The following H6PD variants were observed in gnomAD, a reference collection of about 807,000 sequenced individuals.
The protein encoded by H6PD is GDH/6PGL endoplasmic bifunctional protein.
H6PD carries 48 observed loss-of-function variants against 61.2 expected under a neutral mutation model. That is an observed-to-expected ratio of 0.78 (90% CI 0.62 to 1.00). The LOEUF (loss-of-function observed/expected upper bound fraction) is 1.00, where lower values mean the gene tolerates loss of function less well. H6PD is among the 50% of genes least tolerant of loss of function. The pLI, the probability that H6PD is intolerant of heterozygous loss-of-function variation, is 0.00. For synonymous variants in H6PD, 480 were observed against 457.9 expected (o/e 1.05, Z -0.62); for missense variants, 1,093 against 1,065.0 (o/e 1.03, Z -0.37).
rs555461602 is a variant in H6PD, at chr1:9,242,559, A to C, written c.-10-2366A>C. 138 of 985,414 alleles carry C rather than the reference A, an allele frequency of 1.4e-4. No homozygotes were observed. In the African/African-American group the frequency reaches 2.0e-3, roughly 14 times the overall value. 61.0% of individuals were successfully genotyped at this position (985,414 alleles called of 1,614,324 possible). ...GTCAGGGAGGACTGTGGCAAACCTC[A>C]GAGTCAGAACAGGATTAAAGAGAGG... On this transcript the variant is annotated intron_variant, in intron 1 of 4. Coordinates refer to ENST00000377403, the MANE Select transcript of H6PD (RefSeq NM_004285.4).
At chr1:9,238,595 C>G (rs1292178356) in intron 1 of H6PD, among the ~76,000 whole-genome samples, 1 of 152,160 alleles carries the variant, frequency 6.6e-6, no homozygotes, top group Non-Finnish European at 1.5e-5. Context: ...GTCTGAACAC[C>G]TGGAAAGATA....
Position 9,264,362 on chromosome 1 carries a change from C to A in H6PD, c.1869C>A (p.Cys623Ter). Reference sequence around the variant, plus strand: ...ACCTGTGGCTGGTTGACGAGCGCTGCGTCCCACTCTCAGACCCGGAGTCCA... The same window carrying A: ...ACCTGTGGCTGGTTGACGAGCGCTGAGTCCCACTCTCAGACCCGGAGTCCA... ...HTHLWLVDER[C>*]VPLSDPESNF... Residue 623 changes from cysteine to a stop codon, truncating the protein, a stop_gained, in exon 5 of 5, where the codon TGC becomes TGA. Coordinates refer to ENST00000377403, the MANE Select transcript of H6PD (RefSeq NM_004285.4). LOFTEE classifies it high-confidence loss of function. 1 of 1,612,704 alleles carries A rather than the reference C, an allele frequency of 6.2e-7. No homozygotes were observed. The highest frequency in any genetic ancestry group is 8.5e-7 in the Non-Finnish European group (1 of 1,179,922).
At chr1:9,259,437 A>G (rs989881802) in intron 3 of H6PD, among the ~76,000 whole-genome samples, 1 of 151,886 alleles carries the variant, frequency 6.6e-6, no homozygotes, top group African/African-American at 2.4e-5. Context: ...CACCAGTGTT[A>G]TGTTGCTGTT....
In H6PD at chr1:9,263,382, C is replaced by T. The variant is rs2100396507; in HGVS notation, c.1016-127C>T. 7 of 869,222 alleles carry T rather than the reference C, an allele frequency of 8.1e-6. 1 individual carries two copies. The highest frequency in any genetic ancestry group is 7.2e-5 in the East Asian group (3 of 41,542). The allele number at this position is 869,222 out of a possible 1,614,324, so 53.8% of individuals were successfully genotyped here. On this transcript the variant is annotated intron_variant, in intron 4 of 4. Transcript: ENST00000377403. ...GAAGAGATGCCAGGCGAGGGGTGAG[C>T]ATGGCAAGGCGAGGGGCTTCCCTGA...
At position 9,267,989 on chromosome 1, in the gene H6PD, T is replaced by A. The variant is rs1006297638; in HGVS notation, c.*3120T>A. ...GGCTAGGTGTGGCTCATGCCTGTAA[T>A]CCCAGCACTATGGGAGGCTGAGGTG... is the stretch of plus-strand genomic sequence containing the variant. On this transcript the variant is annotated 3_prime_UTR_variant, in exon 5 of 5. Transcript: ENST00000377403. The A allele has an allele frequency of 1.3e-5, 2 of 152,208 alleles. No homozygotes were observed. The highest frequency in any genetic ancestry group is 3.8e-4 in the East Asian group (2 of 5,198). The allele number at this position is 152,208 out of a possible 1,614,324, so 9.4% of individuals were successfully genotyped here.
At chr1:9,241,006 T>C (rs1183207346) in intron 1 of H6PD, among the ~76,000 whole-genome samples, 1 of 152,076 alleles carries the variant, frequency 6.6e-6, no homozygotes, top group Admixed American at 6.5e-5. Flanking sequence ...GCAGGGAGGA[T>C]GACCAAGCCA....
rs1198377838 is a variant in H6PD, at chr1:9,263,906, T to C, written c.1413T>C (p.Asn471=). The change falls in exon 5 of 5, where the codon AAT becomes AAC. Residue 471 remains asparagine, a synonymous_variant. Coordinates refer to ENST00000377403, the MANE Select transcript of H6PD (RefSeq NM_004285.4). ...CCCATATCTTCCATGGCCGGAAGAA[T>C]TTCTTCATCACCACAGAGAACTTGC... ...LLSHIFHGRK[N]FFITTENLLA... 6.2e-7 allele frequency: 1 copy of C among 1,614,034 alleles called. No homozygotes were observed. The highest frequency in any genetic ancestry group is 8.5e-7 in the Non-Finnish European group (1 of 1,180,024).
intron 1 of H6PD, among the ~76,000 whole-genome samples, chr1:9,242,179 C>T (rs1380893041): frequency 3.3e-5 from 5 of 152,176 alleles, no homozygotes; most frequent in African/African-American, 1.2e-4. Flanking sequence ...TGCTCTGGTG[C>T]TCGCTGCTCA....
intron 1 of H6PD, chr1:9,239,719 A>G (rs1183917151): frequency 2.8e-6 from 1 of 356,540 alleles, no homozygotes; most frequent in Non-Finnish European, 5.0e-6. Flanking sequence ...GGCGCACAGA[A>G]GGTAACGTCA....
At chr1:9,253,141 C>T (rs568775161) in intron 3 of H6PD, among the ~76,000 whole-genome samples, 15 of 152,288 alleles carry the variant, frequency 9.8e-5, no homozygotes, top group African/African-American at 3.4e-4. Context: ...AGGCCACAGT[C>T]CCAGTCACTG....
intron 1 of H6PD, among the ~76,000 whole-genome samples, chr1:9,240,985 C>T (rs1640980599): frequency 6.6e-6 from 1 of 152,156 alleles, no homozygotes; most frequent in Non-Finnish European, 1.5e-5. Context: ...GCTTCTTTCC[C>T]TGTCAGGGCA....
chr1:9,255,698 C>T (rs1347646274), intron 3 of H6PD, among the ~76,000 whole-genome samples: 2 of 152,172 alleles, frequency 1.3e-5, no homozygotes, highest in African/African-American at 4.8e-5. Flanking sequence ...TTTGGTCACC[C>T]TGGGCCCACA....
rs1570137648 is a variant in H6PD at position 9,267,789 on chromosome 1, A to G, written c.*2920A>G. Reference sequence around the variant, plus strand: ...GAACCCTCTAGGCTGGTGGCTTTCAAACTTCAGACCATGATCTGCAGCAAG... The same window carrying G: ...GAACCCTCTAGGCTGGTGGCTTTCAGACTTCAGACCATGATCTGCAGCAAG... On this transcript the variant is annotated 3_prime_UTR_variant, in exon 5 of 5. Coordinates refer to ENST00000377403, the MANE Select transcript of H6PD (RefSeq NM_004285.4). The G allele has an allele frequency of 6.6e-6, 1 of 152,314 alleles. No homozygotes were observed. The allele number at this position is 152,314 out of a possible 1,614,324, so 9.4% of individuals were successfully genotyped here.
rs898509996 is a variant in H6PD at position 9,247,313 on chromosome 1, C to T, written c.745+230C>T. 6.6e-5 allele frequency among the ~76,000 whole-genome samples: 10 copies of T among 152,208 alleles called. 1 individual carries two copies. Among genetic ancestry groups the T allele is most frequent in the Admixed American group, 5.9e-4 (9 of 15,292 alleles). On this transcript the variant is annotated intron_variant, in intron 3 of 4. Transcript: ENST00000377403. ...ATGGTCCAGAGAAGTAGGCCTGGCA[C>T]AGAGGCGGGAAACCACTGGCACGCG...
chr1:9,264,962 C>T lies in H6PD; in HGVS notation c.*93C>T, dbSNP rs547734067. 162 of 1,400,400 alleles carry T rather than the reference C, an allele frequency of 1.2e-4. No homozygotes were observed. The highest frequency in any genetic ancestry group is 1.5e-4 in the Non-Finnish European group (152 of 1,010,070). The allele number at this position is 1,400,400 out of a possible 1,614,324, so 86.7% of individuals were successfully genotyped here. A position where few individuals can be genotyped will look rare whatever the true frequency, so the allele number is the denominator to read the frequency against. On this transcript the variant is annotated 3_prime_UTR_variant, in exon 5 of 5. Transcript: ENST00000377403. Reference sequence around the variant, plus strand: ...GGCCCCGCCACCTGCCCAGCGTGCCCTGGCTCTCCAGAACCTTCTATCCCA... The same window carrying T: ...GGCCCCGCCACCTGCCCAGCGTGCCTTGGCTCTCCAGAACCTTCTATCCCA...
intron 3 of H6PD, among the ~76,000 whole-genome samples, chr1:9,261,503 C>G (rs743972): frequency 2.0e-5 from 3 of 152,226 alleles, no homozygotes; most frequent in Admixed American, 6.5e-5. Flanking sequence ...CTCTTCTTCC[C>G]ACTTTCCCTC....
intron 2 of H6PD, among the ~76,000 whole-genome samples, chr1:9,246,196 G>A (rs748353037): frequency 1.7e-4 from 26 of 152,060 alleles, no homozygotes; most frequent in Non-Finnish European, 3.4e-4. Context: ...CGCTCACTTC[G>A]GCCTCCCAAA....
chr1:9,262,316 C>T lies in H6PD; in HGVS notation c.1003C>T (p.Pro335Ser). 1 of 1,603,414 alleles carries T rather than the reference C, an allele frequency of 6.2e-7. No homozygotes were observed. Among genetic ancestry groups the T allele is most frequent in the Non-Finnish European group, 8.5e-7 (1 of 1,175,164 alleles). ...GCCAGACAGCTTCCACAGCCTGACG[C>T]CGACCTTCGCAGGTGGGCCCTGGGG... ...QKPDSFHSLT[P>S]TFAAVLVHID... Residue 335 changes from proline (P) to serine (S), a missense_variant, in exon 4 of 5, where the codon CCG becomes TCG. Transcript: ENST00000377403.
intron 3 of H6PD, among the ~76,000 whole-genome samples, chr1:9,250,893 G>T (rs980367320): frequency 3.3e-5 from 5 of 149,414 alleles, no homozygotes; most frequent in African/African-American, 1.3e-4. Context: ...GGTGAGTGTT[G>T]TTTTTTTTTC....
Sources: gnomAD v4.1 joint callset for allele counts (sites outside exome capture counted in the v4.1 genomes callset) on GRCh38, gnomAD v4.1.1 for gene constraint, MANE v1.5 for transcripts, NCBI Gene and HGNC (gene_info 2026-07-23, HGNC 2026-07-21) for gene names.